The following TMEM44 variants were observed in gnomAD, a reference collection of about 807,000 sequenced individuals.
The protein encoded by TMEM44 is transmembrane protein 44.
A neutral mutation model predicts 47.8 loss-of-function variants in TMEM44; 43 were observed. The ratio of observed to expected loss-of-function variants is 0.90; its 90% CI spans 0.70 to 1.16. TMEM44 has a LOEUF of 1.16. Among genes scored for constraint, TMEM44 ranks in the 50% most tolerant of loss-of-function variants. The pLI is 0.00. For missense variants in TMEM44, 568 were observed against 555.2 expected (o/e 1.02, Z -0.23); for synonymous variants, 277 against 238.8 (o/e 1.16, Z -1.48).
intron 8 of TMEM44, among the ~76,000 whole-genome samples, chr3:194,605,840 G>C (rs1377892664): frequency 6.6e-6 from 1 of 152,118 alleles, no homozygotes; most frequent in African/African-American, 2.4e-5. Context: ...TAAATGCCTG[G>C]GACACATGAG....
chr3:194,597,048 T>G (rs1713503951), intron 9 of TMEM44: 1 of 131,430 alleles, frequency 7.6e-6, no homozygotes, highest in South Asian at 2.3e-4. Context: ...TTTAGCACTG[T>G]TCTCATGGCC....
Position 194,612,187 on chromosome 3 carries a change from C to G in TMEM44, c.913-1167G>C, listed in dbSNP as rs1248618025. Among the ~76,000 whole-genome samples, 10 of 152,294 alleles carry G rather than the reference C, an allele frequency of 6.6e-5. No individual in the cohort carries two copies. In the East Asian group the frequency reaches 1.7e-3, roughly 26 times the overall value. On this transcript the variant is annotated intron_variant, in intron 7 of 9. Coordinates refer to ENST00000347147, the MANE Select transcript of TMEM44 (RefSeq NM_001011655.3). The stretch of plus-strand genomic sequence containing the variant: ...GGCCCACACTTTGAGAACCACTGCT[C>G]TGAAGAACTGCTAGAGACTCCAGAG...
Position 194,617,130 on chromosome 3 carries a change from G to T in TMEM44, c.752C>A (p.Thr251Asn). Residue 251 changes from threonine to asparagine, a missense_variant, in exon 6 of 10, where the codon ACC becomes AAC. By Grantham distance (65) the Thr-to-Asn change is moderately conservative (BLOSUM62 0). Transcript: ENST00000347147. Reference protein sequence around the residue: ...YLLRATPWFLTSLGRAALDLA... With the variant: ...YLLRATPWFLNSLGRAALDLA... ...GTCCAGTGCCGCACGGCCGAGGGAG[G>T]TCAGGAACCAGGGTGTGGCCCGCAG... 1 of 1,558,712 alleles carries T rather than the reference G, an allele frequency of 6.4e-7. No individual in the cohort carries two copies. The highest frequency in any genetic ancestry group is 1.2e-5 in the South Asian group (1 of 84,210).
intron 2 of TMEM44, among the ~76,000 whole-genome samples, chr3:194,627,521 G>A (rs1289590201): frequency 2.0e-5 from 3 of 152,208 alleles, no homozygotes; most frequent in Non-Finnish European, 4.4e-5. Flanking sequence ...ACCTGGGAAA[G>A]GACTCAGCCA....
At chr3:194,607,364 T>C (rs1044283559) in intron 8 of TMEM44, among the ~76,000 whole-genome samples, 4 of 152,216 alleles carry the variant, frequency 2.6e-5, no homozygotes, top group African/African-American at 9.6e-5. Flanking sequence ...CAGGTGTTCC[T>C]TTATGGCAAT....
intron 8 of TMEM44, among the ~76,000 whole-genome samples, 197 bp from the exon 9 acceptor site, chr3:194,604,642 A>G (rs978538385): frequency 1.3e-5 from 2 of 152,266 alleles, no homozygotes; most frequent in Admixed American, 1.3e-4. Flanking sequence ...ATCCCTCCAG[A>G]TACTCTATAC....
At chr3:194,593,802 A>T (rs1355324766) in intron 9 of TMEM44, among the ~76,000 whole-genome samples, 4 of 151,940 alleles carry the variant, frequency 2.6e-5, no homozygotes. Context: ...ATTTTTCATT[A>T]AAAAAAATCA....
At chr3:194,595,567 G>A (rs1713294264) in intron 9 of TMEM44, among the ~76,000 whole-genome samples, 1 of 151,880 alleles carries the variant, frequency 6.6e-6, no homozygotes, top group South Asian at 2.1e-4. Context: ...CTCGACTTCG[G>A]ATGGATTGTA....
chr3:194,597,071 C>T, intron 9 of TMEM44: 1 of 152,610 alleles, frequency 6.6e-6, no homozygotes, highest in Non-Finnish European at 1.5e-5. Context: ...CACAGGTACA[C>T]CCACACATGG....
chr3:194,592,080 C>T (rs896759540), intron 9 of TMEM44, among the ~76,000 whole-genome samples: 10 of 151,804 alleles, frequency 6.6e-5, no homozygotes, highest in South Asian at 4.2e-4. Flanking sequence ...TAGCCGGGCG[C>T]GGTGGCGGGC....
At chr3:194,629,551 T>C (rs112165883) in intron 1 of TMEM44, among the ~76,000 whole-genome samples, 1,783 of 151,710 alleles carry the variant, frequency 0.012, 40 homozygotes, top group African/African-American at 0.041. Flanking sequence ...GCGTCACTGA[T>C]AGGGCCTCTG....
At chr3:194,617,596 A>C in intron 5 of TMEM44, 1 of 695,574 alleles carries the variant, frequency 1.4e-6, no homozygotes, top group Non-Finnish European at 2.6e-6. Context: ...AGCTCTTTAC[A>C]CAGTCAGAGA....
chr3:194,588,712 C>A, intron 9 of TMEM44, 73 bp from the exon 10 acceptor site: 2 of 1,400,430 alleles, frequency 1.4e-6, no homozygotes, highest in Non-Finnish European at 2.0e-6. Flanking sequence ...ACCCCTGACC[C>A]AAACAAAAGC....
chr3:194,599,692 C>T (rs1194196830), intron 9 of TMEM44, among the ~76,000 whole-genome samples: 1 of 150,170 alleles, frequency 6.7e-6, no homozygotes, highest in Non-Finnish European at 1.5e-5. Context: ...TCAAGTGATT[C>T]TCCTGCCTCA....
intron 5 of TMEM44, among the ~76,000 whole-genome samples, chr3:194,620,633 A>T (rs557032402): frequency 6.6e-6 from 1 of 152,306 alleles, no homozygotes; most frequent in Non-Finnish European, 1.5e-5. Flanking sequence ...TGATCTGAAG[A>T]AAATAAAGCA....
intron 3 of TMEM44, among the ~76,000 whole-genome samples, 189 bp from the exon 4 acceptor site, chr3:194,623,884 C>T (rs1444940576): frequency 6.6e-6 from 1 of 152,208 alleles, no homozygotes; most frequent in Admixed American, 6.5e-5. Flanking sequence ...GGAGTCTTTC[C>T]TCTCCACCAC....
Position 194,616,675 on chromosome 3 carries a change from G to A in TMEM44, c.783+424C>T, listed in dbSNP as rs1281882439. On this transcript the variant is annotated intron_variant, in intron 6 of 9. Coordinates refer to ENST00000347147, the MANE Select transcript of TMEM44 (RefSeq NM_001011655.3). ...TTCACACACACCCCACCACCAACAC[G>A]CCACAGCCATTAACCACAGTCAGCA... is the stretch of plus-strand genomic sequence containing the variant. 10 of 433,316 alleles carry A rather than the reference G, an allele frequency of 2.3e-5. No individual in the cohort carries two copies. The East Asian group carries it at 2.8e-4, about 12-fold the overall frequency. The allele number at this position is 433,316 out of a possible 1,614,324, so 26.8% of individuals were successfully genotyped here. A position where few individuals can be genotyped will look rare whatever the true frequency, so the allele number is the denominator to read the frequency against.
At chr3:194,616,919 A>C (rs1715961512) in intron 6 of TMEM44, 180 bp downstream of exon 6, 1 of 696,706 alleles carries the variant, frequency 1.4e-6, no homozygotes, top group Admixed American at 3.4e-5. Context: ...AAAAAAGGAA[A>C]CATAAAACTA....
intron 5 of TMEM44, among the ~76,000 whole-genome samples, chr3:194,620,576 G>C (rs1408860243): frequency 6.6e-6 from 1 of 152,170 alleles, no homozygotes; most frequent in African/African-American, 2.4e-5. Flanking sequence ...CCTCAGGACC[G>C]GGCAGCAACC....
Sources: gnomAD v4.1 joint callset for allele counts (sites outside exome capture counted in the v4.1 genomes callset) on GRCh38, gnomAD v4.1.1 for gene constraint, MANE v1.5 for transcripts, NCBI Gene and HGNC (gene_info 2026-07-23, HGNC 2026-07-21) for gene names.